The following FHIT variants were observed in gnomAD, a reference collection of about 807,000 sequenced individuals.
The protein encoded by FHIT is fragile histidine triad diadenosine triphosphatase, also known as bis(5'-adenosyl)-triphosphatase.
In FHIT, 19 loss-of-function variants were observed where a neutral mutation model predicts 17.9. That is an observed-to-expected ratio of 1.06 (90% confidence interval 0.74 to 1.56). The LOEUF (loss-of-function observed/expected upper bound fraction) is 1.56. Ranked by LOEUF, FHIT falls within the 40% of genes most tolerant of loss-of-function variation. The pLI is 0.00. For synonymous variants in FHIT, 81 were observed against 69.7 expected (o/e 1.16, Z -0.81); for missense variants, 248 against 189.2 (o/e 1.31, Z -1.82).
intron 5 of FHIT, among the ~76,000 whole-genome samples, chr3:60,402,117 C>G (rs576805076): frequency 6.6e-6 from 1 of 152,150 alleles, no homozygotes; most frequent in Non-Finnish European, 1.5e-5. Flanking sequence ...TGATCTTTAT[C>G]ATCTTGCATT....
At chr3:61,091,764 A>G (rs147625282) in intron 2 of FHIT, among the ~76,000 whole-genome samples, 1 of 151,878 alleles carries the variant, frequency 6.6e-6, no homozygotes, top group East Asian at 1.9e-4. Flanking sequence ...CCTGGACACC[A>G]TGGCAAAACC....
At chr3:61,095,137 A>T (rs1029058359) in intron 2 of FHIT, among the ~76,000 whole-genome samples, 9 of 152,200 alleles carry the variant, frequency 5.9e-5, no homozygotes, top group Non-Finnish European at 1.3e-4. Flanking sequence ...GAAAAATGGC[A>T]GGGATTCATC....
chr3:60,647,574 T>C (rs2039890787), intron 4 of FHIT, among the ~76,000 whole-genome samples: 1 of 152,128 alleles, frequency 6.6e-6, no homozygotes, highest in Admixed American at 6.5e-5. Flanking sequence ...TGACAAATGT[T>C]CAAAGGATTA....
chr3:59,796,818 G>A (rs1275399853), intron 8 of FHIT, among the ~76,000 whole-genome samples: 3 of 152,274 alleles, frequency 2.0e-5, no homozygotes, highest in South Asian at 4.1e-4. Context: ...TTGGGAGAGG[G>A]AATTAGAGGC....
intron 2 of FHIT, among the ~76,000 whole-genome samples, chr3:61,189,255 G>A (rs531704084): frequency 7.9e-4 from 120 of 152,190 alleles, no homozygotes; most frequent in Non-Finnish European, 1.5e-3. Context: ...CAAAATCAAC[G>A]TGCAAAAATC....
intron 5 of FHIT, among the ~76,000 whole-genome samples, chr3:60,417,043 C>T (rs1292137733): frequency 6.7e-6 from 1 of 150,214 alleles, no homozygotes; most frequent in Admixed American, 6.7e-5. Context: ...GAGCCGAGAT[C>T]GCACCACTGC....
chr3:59,859,475 T>A (rs1017156469), intron 8 of FHIT, among the ~76,000 whole-genome samples: 1 of 152,202 alleles, frequency 6.6e-6, no homozygotes, highest in African/African-American at 2.4e-5. Flanking sequence ...CCCAGCACTT[T>A]GGGAGGCTGA....
Position 60,011,398 on chromosome 3 carries a change from A to G in FHIT, c.252T>C (p.Asp84=), listed in dbSNP as rs1198955756. The change falls in exon 7 of 10, where the codon GAT becomes GAC. Residue 84 remains aspartate, a splice_region_variant and synonymous_variant. Transcript: ENST00000492590. ...HGTSLTFSMQ[D]GPEAGQTVKH... is the part of the protein sequence containing the mutation. ...TCACAGTCTGTCCGGCTTCGGGGCC[A>G]TCCTAGAAGTAGGAAAAAACCAACA... The G allele has an allele frequency of 6.2e-7, 1 of 1,613,576 alleles. No individual in the cohort carries two copies.
chr3:61,173,358 T>G (rs2038064882), intron 2 of FHIT, among the ~76,000 whole-genome samples: 1 of 152,222 alleles, frequency 6.6e-6, no homozygotes, highest in Non-Finnish European at 1.5e-5. Flanking sequence ...CAAAATGTGC[T>G]GTATAATTTA....
chr3:60,101,740 C>T (rs988175726), intron 5 of FHIT, among the ~76,000 whole-genome samples: 26 of 152,092 alleles, frequency 1.7e-4, no homozygotes, highest in Admixed American at 5.9e-4. Flanking sequence ...AATAAATTAA[C>T]GAATGCCAAG....
At chr3:60,601,719 G>T (rs189954696) in intron 4 of FHIT, among the ~76,000 whole-genome samples, 1 of 152,228 alleles carries the variant, frequency 6.6e-6, no homozygotes, top group African/African-American at 2.4e-5. Flanking sequence ...GAAGAACTCA[G>T]CTGGAAGAAA....
chr3:60,962,522 A>G (rs1334500980), intron 3 of FHIT, among the ~76,000 whole-genome samples: 2 of 152,194 alleles, frequency 1.3e-5, no homozygotes, highest in African/African-American at 4.8e-5. Context: ...TTTCAAAGTG[A>G]ATGCTTCCAG....
chr3:59,960,618 A>C (rs757741276), intron 7 of FHIT, among the ~76,000 whole-genome samples: 3 of 152,160 alleles, frequency 2.0e-5, no homozygotes, highest in Non-Finnish European at 4.4e-5. Context: ...GGATAGATAG[A>C]GAAGGGGTAC....
chr3:60,767,481 A>G (rs1199525928), intron 4 of FHIT, among the ~76,000 whole-genome samples: 1 of 152,200 alleles, frequency 6.6e-6, no homozygotes, highest in African/African-American at 2.4e-5. Flanking sequence ...GTCTGCTACG[A>G]TCATGTGCCT....
At chr3:60,186,444 A>G (rs79145740) in intron 5 of FHIT, among the ~76,000 whole-genome samples, 1 of 152,178 alleles carries the variant, frequency 6.6e-6, no homozygotes, top group African/African-American at 2.4e-5. Flanking sequence ...GAGTTAGTCA[A>G]CTGTTTTTCA....
intron 5 of FHIT, among the ~76,000 whole-genome samples, chr3:60,334,591 G>T (rs906744087): frequency 3.3e-5 from 5 of 152,182 alleles, no homozygotes; most frequent in Non-Finnish European, 7.3e-5. Context: ...CTCGAGACCA[G>T]CATGGCCAAC....
At chr3:60,333,861 G>A (rs952040557) in intron 5 of FHIT, among the ~76,000 whole-genome samples, 2 of 152,172 alleles carry the variant, frequency 1.3e-5, no homozygotes, top group Non-Finnish European at 2.9e-5. Context: ...TGGACAATGA[G>A]ATGTCAGATC....
intron 2 of FHIT, among the ~76,000 whole-genome samples, chr3:61,182,713 C>T (rs972812713): frequency 7.2e-5 from 11 of 151,998 alleles, no homozygotes; most frequent in Non-Finnish European, 1.3e-4. Context: ...TAGGCAGGGC[C>T]CTGAGAACCT....
intron 3 of FHIT, among the ~76,000 whole-genome samples, chr3:60,968,543 G>A (rs184879523): frequency 2.6e-4 from 39 of 151,768 alleles, no homozygotes; most frequent in Middle Eastern, 3.4e-3. Context: ...CTCCCGTGTA[G>A]CTGGGACTAC....
Sources: allele counts gnomAD v4.1 joint callset (sites outside exome capture counted in the v4.1 genomes callset), GRCh38; gene constraint gnomAD v4.1.1; transcripts MANE v1.5; gene names NCBI Gene and HGNC (gene_info 2026-07-23, HGNC 2026-07-21).